The following XPO1 variants were observed in gnomAD, a reference collection of about 807,000 sequenced individuals.
XPO1 encodes exportin-1.
XPO1 carries 5 observed loss-of-function variants against 133.3 expected under a neutral mutation model. The observed-to-expected ratio is 0.04, with a 90% CI of 0.02 to 0.08. XPO1 has a LOEUF of 0.08. Ranked by LOEUF, XPO1 falls within the 10% of genes least tolerant of loss-of-function variation. XPO1 has a pLI of 1.00. For missense variants in XPO1, 506 were observed against 1,267.5 expected (o/e 0.40, Z 9.12); for synonymous variants, 419 against 408.2 (o/e 1.03, Z -0.32).
chr2:61,518,447 C>T (rs1376462982), intron 4 of XPO1, among the ~76,000 whole-genome samples: 1 of 146,816 alleles, frequency 6.8e-6, no homozygotes, highest in Non-Finnish European at 1.5e-5. Flanking sequence ...CACACACACA[C>T]ACACACACAC....
At chr2:61,525,227 A>G in intron 3 of XPO1, 2 of 980,266 alleles carry the variant, frequency 2.0e-6, no homozygotes, top group Non-Finnish European at 2.4e-6. Flanking sequence ...AACAAAAACA[A>G]TTGATGAACA....
intron 4 of XPO1, among the ~76,000 whole-genome samples, chr2:61,510,210 G>A (rs1469159505): frequency 1.3e-5 from 2 of 152,192 alleles, no homozygotes; most frequent in Non-Finnish European, 2.9e-5. Context: ...CCGGAAGGCA[G>A]AGGTTGCAGT....
chr2:61,489,052 A>C (rs888720700), intron 17 of XPO1, among the ~76,000 whole-genome samples: 3 of 151,794 alleles, frequency 2.0e-5, no homozygotes, highest in Admixed American at 6.6e-5. Context: ...CAGTGAGCCG[A>C]GATCGCACCA....
At chr2:61,483,339 C>T (rs1696496726) in intron 21 of XPO1, 7 of 387,042 alleles carry the variant, frequency 1.8e-5, no homozygotes, top group Non-Finnish European at 3.2e-5. Flanking sequence ...GCATAAAGAT[C>T]ATATAATGGA....
chr2:61,523,249 T>C (rs77494787), intron 3 of XPO1, among the ~76,000 whole-genome samples: 1,872 of 152,330 alleles, frequency 0.012, 38 homozygotes, highest in African/African-American at 0.041. Flanking sequence ...CCCACCCTTA[T>C]AGTTGCTATT....
chr2:61,527,978 G>C (rs577672753), intron 2 of XPO1, among the ~76,000 whole-genome samples: 1 of 150,792 alleles, frequency 6.6e-6, no homozygotes, highest in South Asian at 2.1e-4. Flanking sequence ...CCAGGCTGGA[G>C]TGCAATGGCA....
At chr2:61,501,109 T>G (rs1202476559) in intron 6 of XPO1, among the ~76,000 whole-genome samples, 1 of 152,104 alleles carries the variant, frequency 6.6e-6, no homozygotes, top group Non-Finnish European at 1.5e-5. Context: ...CTCTCACCAC[T>G]CAGAGAAGGG....
At chr2:61,521,525 G>A (rs1376558585) in intron 4 of XPO1, among the ~76,000 whole-genome samples, 6 of 152,138 alleles carry the variant, frequency 3.9e-5, no homozygotes, top group South Asian at 2.1e-4. Flanking sequence ...AGAAACTAAT[G>A]TTGCCTCAGG....
At position 61,481,097 on chromosome 2, in the gene XPO1, ACAAAT is replaced by A. The variant is rs1472342611; in HGVS notation, c.3069+83_3069+87del. 7 of 786,794 alleles carry A rather than the reference ACAAAT, an allele frequency of 8.9e-6. No homozygotes were observed. The East Asian group carries it at 1.8e-4, about 20-fold the overall frequency. The allele number at this position is 786,794 out of a possible 1,614,324, so 48.7% of individuals were successfully genotyped here. A position where few individuals can be genotyped will look rare whatever the true frequency, so the allele number is the denominator to read the frequency against. ...CTTGAAACCCCATTTATTTGGCATGACAAATCAAGTGATAAAAATTCTACAATGTA... is the reference window on the plus strand; with the variant it reads ...CTTGAAACCCCATTTATTTGGCATGACAAGTGATAAAAATTCTACAATGTA... On this transcript the variant is annotated intron_variant, in intron 24 of 24. Coordinates refer to ENST00000401558, the MANE Select transcript of XPO1 (RefSeq NM_003400.4).
In XPO1 at chr2:61,493,882, C is replaced by T; in HGVS notation, c.1245+12G>A. On this transcript the variant is annotated intron_variant, in intron 12 of 24. Coordinates refer to ENST00000401558, the MANE Select transcript of XPO1 (RefSeq NM_003400.4). ...TGCAACAGGAAGAACACTCAACCAA[C>T]CGCTCTGTTACCTTGAATAACATGG... The T allele has an allele frequency of 6.2e-7, 1 of 1,613,812 alleles. No individual in the cohort carries two copies. The highest frequency in any genetic ancestry group is 8.5e-7 in the Non-Finnish European group (1 of 1,179,826).
intron 2 of XPO1, among the ~76,000 whole-genome samples, chr2:61,530,128 A>G (rs943996668): frequency 1.3e-5 from 2 of 152,210 alleles, no homozygotes; most frequent in African/African-American, 4.8e-5. Context: ...GAAAAGTTGT[A>G]TCAAAGATCC....
At chr2:61,522,830 G>GT (rs1206738028) in intron 3 of XPO1, 147 bp from the exon 4 acceptor site, 1 of 639,316 alleles carries the variant, frequency 1.6e-6, no homozygotes, top group African/African-American at 1.8e-5. Flanking sequence ...TATTAAACAA[G>GT]TATCTATTCA....
chr2:61,483,333 A>G (rs534920312), intron 21 of XPO1: 3 of 414,004 alleles, frequency 7.2e-6, no homozygotes, highest in Non-Finnish European at 1.3e-5. Context: ...GTAAAGGCAT[A>G]AAGATCATAT....
At chr2:61,495,662 A>C in intron 10 of XPO1, 49 bp from the exon 11 acceptor site, 2 of 1,467,516 alleles carry the variant, frequency 1.4e-6, no homozygotes, top group Non-Finnish European at 9.1e-7. Flanking sequence ...AAAACAACTA[A>C]AGACACTTAA....
At chr2:61,488,820 G>C (rs116616347) in intron 17 of XPO1, 49 bp from the exon 18 acceptor site, 43 of 1,589,122 alleles carry the variant, frequency 2.7e-5, no homozygotes, top group Non-Finnish European at 3.3e-5. Flanking sequence ...AATTATCCAC[G>C]GCTGGGAACA....
intron 4 of XPO1, among the ~76,000 whole-genome samples, chr2:61,506,144 G>A (rs374234222): frequency 3.7e-4 from 56 of 152,228 alleles, no homozygotes; most frequent in Middle Eastern, 6.8e-3. Context: ...CATTCCAGCC[G>A]GACGGATGGC....
At chr2:61,505,211 T>C (rs559778521) in intron 4 of XPO1, among the ~76,000 whole-genome samples, 1 of 152,120 alleles carries the variant, frequency 6.6e-6, no homozygotes, top group South Asian at 2.1e-4. Flanking sequence ...GGGGCTGGCC[T>C]TGAACTCCAA....
Position 61,538,170 on chromosome 2 carries a change from C to A in XPO1, c.-615G>T. On this transcript the variant is annotated 5_prime_UTR_variant, in exon 1 of 25. Transcript: ENST00000401558. Reference sequence around the variant, plus strand: ...GCAAAGACTGGAACAGGCACCGCCGCCGGGGCTGTAGCTACTGTTGCTCTT... The same window carrying A: ...GCAAAGACTGGAACAGGCACCGCCGACGGGGCTGTAGCTACTGTTGCTCTT... 4.6e-6 allele frequency: 1 copy of A among 219,424 alleles called. No individual in the cohort carries two copies. The highest frequency in any genetic ancestry group is 9.1e-6 in the Non-Finnish European group (1 of 110,110). The allele number at this position is 219,424 out of a possible 1,614,324, so 13.6% of individuals were successfully genotyped here. A position where few individuals can be genotyped will look rare whatever the true frequency, so the allele number is the denominator to read the frequency against.
intron 2 of XPO1, among the ~76,000 whole-genome samples, chr2:61,528,233 T>C (rs1232423714): frequency 1.3e-5 from 2 of 152,070 alleles, no homozygotes. Context: ...AGTAATGGCT[T>C]TCATCATGAA....
Sources: allele counts gnomAD v4.1 joint callset (sites outside exome capture counted in the v4.1 genomes callset), GRCh38; gene constraint gnomAD v4.1.1; transcripts MANE v1.5; gene names NCBI Gene and HGNC (gene_info 2026-07-23, HGNC 2026-07-21).